STMN2: variants seen among roughly 807,000 people sequenced by gnomAD.
STMN2 encodes stathmin-2.
STMN2 carries 2 observed loss-of-function variants against 24.1 expected under a neutral mutation model. The ratio of observed to expected loss-of-function variants is 0.08; its 90% CI spans 0.03 to 0.26. STMN2 has a LOEUF of 0.26. STMN2 is among the 10% of genes least tolerant of loss of function. The pLI, the probability that STMN2 is intolerant of heterozygous loss-of-function variation, is 1.00. For synonymous variants in STMN2, 83 were observed against 77.5 expected, an observed-to-expected ratio of 1.07 and a Z score of -0.37; for missense variants, 114 against 213.6, an observed-to-expected ratio of 0.53 and a Z score of 2.91.
chr8:79,622,866 TACAC>T (rs1355109859), intron 1 of STMN2, among the ~76,000 whole-genome samples: 1 of 152,014 alleles, frequency 6.6e-6, no homozygotes, highest in Non-Finnish European at 1.5e-5. Context: ...CACGCATGCA[TACAC>T]ACACACAGAA....
chr8:79,613,360 G>A, intron 1 of STMN2: 1 of 984,514 alleles, frequency 1.0e-6, no homozygotes, highest in Non-Finnish European at 1.2e-6. Flanking sequence ...GCAGAGCCCC[G>A]CGCCGCGCCC....
chr8:79,651,722 T>G (rs1236176829), intron 3 of STMN2, among the ~76,000 whole-genome samples: 1 of 152,192 alleles, frequency 6.6e-6, no homozygotes, highest in Non-Finnish European at 1.5e-5. Context: ...AGTGGCCTCT[T>G]GATAATAATT....
chr8:79,624,315 G>A (rs1373422708), intron 1 of STMN2, among the ~76,000 whole-genome samples: 1 of 151,890 alleles, frequency 6.6e-6, no homozygotes, highest in Admixed American at 6.5e-5. Context: ...TTAGCCGGGT[G>A]TGGTGGCGGG....
intron 3 of STMN2, among the ~76,000 whole-genome samples, chr8:79,649,222 C>T (rs959103390): frequency 1.3e-5 from 2 of 151,522 alleles, no homozygotes; most frequent in Non-Finnish European, 2.9e-5. Context: ...GATTATTCAC[C>T]GCTTGACATT....
At position 79,618,404 on chromosome 8, in the gene STMN2, G is replaced by A. The variant is rs79249907; in HGVS notation, c.19+7190G>A. ...AAATAACATTGACTTAATCTCCTCA[G>A]TCCCATCATGGTTAGCACATTTCAA... On this transcript the variant is annotated intron_variant, in intron 1 of 4. Transcript: ENST00000220876. Among the ~76,000 whole-genome samples the A allele has an allele frequency of 1.9e-3, 287 of 152,260 alleles. 3 individuals are homozygous for A. Among genetic ancestry groups the A allele is most frequent in the East Asian group, 0.012 (60 of 5,190 alleles).
intron 3 of STMN2, among the ~76,000 whole-genome samples, chr8:79,648,653 A>G (rs1452294361): frequency 6.6e-6 from 1 of 151,834 alleles, no homozygotes; most frequent in African/African-American, 2.4e-5. Flanking sequence ...AGTAGAGACA[A>G]GGTTTTGTCA....
At chr8:79,636,953 C>T in intron 2 of STMN2, 56 bp downstream of exon 2, 1 of 1,520,008 alleles carries the variant, frequency 6.6e-7, no homozygotes, top group Non-Finnish European at 9.1e-7. Flanking sequence ...GAAAGGTTGA[C>T]ATATATTTGT....
intron 4 of STMN2, among the ~76,000 whole-genome samples, chr8:79,657,260 A>G (rs1806397384): frequency 6.6e-6 from 1 of 152,156 alleles, no homozygotes; most frequent in African/African-American, 2.4e-5. Flanking sequence ...CTAGCTTTTA[A>G]CGGACCATTT....
intron 2 of STMN2, among the ~76,000 whole-genome samples, chr8:79,640,774 G>T (rs2130357776): frequency 6.6e-6 from 1 of 152,340 alleles, no homozygotes; most frequent in African/African-American, 2.4e-5. Flanking sequence ...AAATCAGCAG[G>T]ATGCTTTGCA....
chr8:79,632,441 T>C (rs1408744315), intron 1 of STMN2, among the ~76,000 whole-genome samples: 1 of 152,148 alleles, frequency 6.6e-6, no homozygotes, highest in Non-Finnish European at 1.5e-5. Context: ...GCTAGACTAA[T>C]ATGATTGCAG....
intron 3 of STMN2, among the ~76,000 whole-genome samples, chr8:79,646,839 A>G (rs1358762023): frequency 6.6e-6 from 1 of 152,226 alleles, no homozygotes; most frequent in Non-Finnish European, 1.5e-5. Flanking sequence ...TAGAGAAAAC[A>G]GGAAAACATT....
chr8:79,618,201 T>C lies in STMN2; in HGVS notation c.19+6987T>C, dbSNP rs1273481812. On this transcript the variant is annotated intron_variant, in intron 1 of 4. Transcript: ENST00000220876. The stretch of plus-strand genomic sequence containing the variant: ...ACCTTGAAGAGAAAATACTTCCAAA[T>C]TGATGCCTAGTTTTAATAGCTTACC... Among the ~76,000 whole-genome samples the C allele has an allele frequency of 5.3e-5, 8 of 152,214 alleles. No homozygotes were observed. The South Asian group carries it at 1.0e-3, about 20-fold the overall frequency.
chr8:79,625,636 C>T (rs1809633619), intron 1 of STMN2, among the ~76,000 whole-genome samples: 1 of 152,112 alleles, frequency 6.6e-6, no homozygotes, highest in African/African-American at 2.4e-5. Context: ...ATAGCAAAGC[C>T]CCTTAAAACT....
intron 1 of STMN2, among the ~76,000 whole-genome samples, chr8:79,633,414 C>CAGAAA (rs1318635418): frequency 7.9e-5 from 12 of 152,126 alleles, no homozygotes; most frequent in Non-Finnish European, 1.5e-4. Flanking sequence ...CAGACCACCT[C>CAGAAA]GAACAAGAAA....
rs939948754 is a variant in STMN2, at chr8:79,637,948, C to T, written c.115+1051C>T. Among the ~76,000 whole-genome samples the T allele has an allele frequency of 5.3e-5, 8 of 152,284 alleles. No individual in the cohort carries two copies. The East Asian group carries it at 1.3e-3, about 26-fold the overall frequency. On this transcript the variant is annotated intron_variant, in intron 2 of 4. Transcript: ENST00000220876. The stretch of plus-strand genomic sequence containing the variant: ...TATCGTAGCACAAAAATCATAAATG[C>T]TAATTAACTGTTCCATAAGGAAATG...
chr8:79,655,869 A>C lies in STMN2; in HGVS notation c.480+807A>C, dbSNP rs1018660382. 1.6e-4 allele frequency among the ~76,000 whole-genome samples: 24 copies of C among 152,346 alleles called. No homozygotes were observed. The South Asian group carries it at 3.9e-3, about 25-fold the overall frequency. On this transcript the variant is annotated intron_variant, in intron 4 of 4. Coordinates refer to ENST00000220876, the MANE Select transcript of STMN2 (RefSeq NM_007029.4). ...ATGGGATGTTTGAGAAAGACGCCTC[A>C]ATCCTTTTCTGAGCAGTCAGTCACC...
At chr8:79,616,719 C>T (rs1809389289) in intron 1 of STMN2, among the ~76,000 whole-genome samples, 1 of 152,188 alleles carries the variant, frequency 6.6e-6, no homozygotes, top group Non-Finnish European at 1.5e-5. Context: ...AAATATTTTA[C>T]TTCCGAACTC....
At position 79,633,877 on chromosome 8, in the gene STMN2, T is replaced by A. The variant is rs77994895; in HGVS notation, c.20-2925T>A. Among the ~76,000 whole-genome samples the A allele has an allele frequency of 8.1e-4, 124 of 152,338 alleles. 5 individuals carry two copies. In the East Asian group the frequency reaches 0.019, roughly 24 times the overall value. ...TAGTTTTTACACTCACTTCTCTTTA[T>A]TAGCTTGTCAAGCATAATTAGGGCA... is the stretch of plus-strand genomic sequence containing the variant. On this transcript the variant is annotated intron_variant, in intron 1 of 4. Transcript: ENST00000220876.
intron 1 of STMN2, among the ~76,000 whole-genome samples, chr8:79,615,030 T>C (rs1429756298): frequency 1.3e-5 from 2 of 152,228 alleles, no homozygotes; most frequent in Non-Finnish European, 2.9e-5. Flanking sequence ...CTGATTCATA[T>C]AATAAAATAG....
Sources: gnomAD v4.1 joint callset for allele counts (sites outside exome capture counted in the v4.1 genomes callset) on GRCh38, gnomAD v4.1.1 for gene constraint, MANE v1.5 for transcripts, NCBI Gene and HGNC (gene_info 2026-07-23, HGNC 2026-07-21) for gene names.